The following CCDC6 variants were observed in gnomAD, a reference collection of about 807,000 sequenced individuals.
The protein encoded by CCDC6 is coiled-coil domain containing 6, also known as coiled-coil domain-containing protein 6.
CCDC6 carries 20 observed loss-of-function variants against 56.6 expected under a neutral mutation model. The ratio of observed to expected loss-of-function variants is 0.35; its 90% CI spans 0.25 to 0.51. The LOEUF (loss-of-function observed/expected upper bound fraction) is 0.51. CCDC6 is among the 20% of genes least tolerant of loss of function. CCDC6 has a pLI of 0.95. For missense variants in CCDC6, 367 were observed against 601.1 expected (o/e 0.61, Z 4.07); for synonymous variants, 241 against 234.4 (o/e 1.03, Z -0.26).
chr10:59,789,377 AT>A lies in CCDC6; in HGVS notation c.*3539del, dbSNP rs1333783000. 1 of 230,264 alleles carries A rather than the reference AT, an allele frequency of 4.3e-6. No individual in the cohort carries two copies. Among genetic ancestry groups the A allele is most frequent in the Non-Finnish European group, 8.6e-6 (1 of 116,312 alleles). 14.3% of individuals were successfully genotyped at this position (230,264 alleles called of 1,614,324 possible). A position where few individuals can be genotyped will look rare whatever the true frequency, so the allele number is the denominator to read the frequency against. On this transcript the variant is annotated 3_prime_UTR_variant, in exon 9 of 9. Coordinates refer to ENST00000263102, the MANE Select transcript of CCDC6 (RefSeq NM_005436.5). ...TGGCAGTTAATCAGAACTGCTGAGC[AT>A]TCCAGAAAATGCCCCCCACGACTTT...
chr10:59,814,864 T>C, intron 3 of CCDC6, 109 bp from the exon 4 acceptor site: 4 of 686,996 alleles, frequency 5.8e-6, no homozygotes. Context: ...ACTGCAAACA[T>C]GTGGCCAATT....
chr10:59,842,750 ATTTTTTTTT>A (rs3043541), intron 2 of CCDC6, among the ~76,000 whole-genome samples: 1 of 115,536 alleles, frequency 8.7e-6, no homozygotes, highest in East Asian at 2.4e-4. Flanking sequence ...ATGGAAGACA[ATTTTTTTTT>A]TTTTTTTTTT....
Position 59,790,258 on chromosome 10 carries a change from G to A in CCDC6, c.*2659C>T, listed in dbSNP as rs1041867245. The A allele has an allele frequency of 4.6e-6, 1 of 218,358 alleles. No individual in the cohort carries two copies. The highest frequency in any genetic ancestry group is 2.2e-5 in the African/African-American group (1 of 44,464). The allele number at this position is 218,358 out of a possible 1,614,324, so 13.5% of individuals were successfully genotyped here. On this transcript the variant is annotated 3_prime_UTR_variant, in exon 9 of 9. Transcript: ENST00000263102. ...GTCTCTGTCTGCAAGACAGGAAAAT[G>A]AAGCTACTGAAGCCCCTGTTGCTCC...
chr10:59,857,592 T>C (rs559167942), intron 1 of CCDC6, among the ~76,000 whole-genome samples: 2 of 151,892 alleles, frequency 1.3e-5, no homozygotes, highest in South Asian at 4.2e-4. Flanking sequence ...AAGCAAGAAA[T>C]TACAAACATC....
At chr10:59,895,535 T>C (rs1477919236) in intron 1 of CCDC6, among the ~76,000 whole-genome samples, 2 of 152,208 alleles carry the variant, frequency 1.3e-5, no homozygotes, top group East Asian at 3.9e-4. Context: ...AATGAGAGGA[T>C]ATACGCAAAC....
intron 2 of CCDC6, among the ~76,000 whole-genome samples, chr10:59,851,034 C>T (rs191069445): frequency 1.6e-3 from 238 of 145,278 alleles, no homozygotes; most frequent in Non-Finnish European, 3.0e-3. Flanking sequence ...ATCACTCATA[C>T]TGGAGATACA....
At chr10:59,887,935 T>G (rs1164758394) in intron 1 of CCDC6, among the ~76,000 whole-genome samples, 1 of 152,124 alleles carries the variant, frequency 6.6e-6, no homozygotes, top group Non-Finnish European at 1.5e-5. Flanking sequence ...TGGCCAATAA[T>G]TTAACAGCAT....
chr10:59,804,519 AC>A lies in CCDC6; in HGVS notation c.1005del (p.Arg335SerfsTer11). ...SESSLEMDDERYFNEMSAQGL... is the reference protein window; with the variant it reads ...SESSLEMDDEXYFNEMSAQGL... Reference sequence around the variant, plus strand: ...CCTTGTGCAGACATCTCATTAAAATACCTAAGAGGAGAGAGGAGGAAACGAT... The same window carrying A: ...CCTTGTGCAGACATCTCATTAAAATACTAAGAGGAGAGAGGAGGAAACGAT... On this transcript the variant is annotated frameshift_variant and splice_region_variant, in exon 7 of 9. Coordinates refer to ENST00000263102, the MANE Select transcript of CCDC6 (RefSeq NM_005436.5). LOFTEE classifies it high-confidence loss of function. 1 of 1,579,684 alleles carries A rather than the reference AC, an allele frequency of 6.3e-7. No homozygotes were observed. The highest frequency in any genetic ancestry group is 8.7e-7 in the Non-Finnish European group (1 of 1,148,532).
At chr10:59,845,958 G>C (rs924231905) in intron 2 of CCDC6, among the ~76,000 whole-genome samples, 2 of 152,178 alleles carry the variant, frequency 1.3e-5, no homozygotes, top group African/African-American at 4.8e-5. Context: ...CTTGACATGT[G>C]ATTTTGCTCC....
In CCDC6 at chr10:59,789,834, C is replaced by T. The variant is rs1481848055; in HGVS notation, c.*3083G>A. ...CATGTCTACCTAACAAAGGGTGATACATGTTCTATTTTCCTACAAGTGAAC... is the reference window on the plus strand; with the variant it reads ...CATGTCTACCTAACAAAGGGTGATATATGTTCTATTTTCCTACAAGTGAAC... On this transcript the variant is annotated 3_prime_UTR_variant, in exon 9 of 9. Transcript: ENST00000263102. 1 of 218,624 alleles carries T rather than the reference C, an allele frequency of 4.6e-6. No homozygotes were observed. Among genetic ancestry groups the T allele is most frequent in the South Asian group, 1.9e-4 (1 of 5,374 alleles). The allele number at this position is 218,624 out of a possible 1,614,324, so 13.5% of individuals were successfully genotyped here.
chr10:59,873,362 T>C (rs554855088), intron 1 of CCDC6, among the ~76,000 whole-genome samples: 128 of 152,168 alleles, frequency 8.4e-4, no homozygotes, highest in Admixed American at 1.8e-3. Flanking sequence ...AAGGAGAAGA[T>C]GACCACATGA....
rs1373367246 is a variant in CCDC6 at position 59,878,704 on chromosome 10, T to C, written c.304-26002A>G. Among the ~76,000 whole-genome samples, 9 of 152,084 alleles carry C rather than the reference T, an allele frequency of 5.9e-5. No individual in the cohort carries two copies. The East Asian group carries it at 1.7e-3, about 29-fold the overall frequency. ...CAAACCCCTACCCCTTCACAACCAA[T>C]CATAACATTCAGCTTGCCAAAGTAT... is the stretch of plus-strand genomic sequence containing the variant. On this transcript the variant is annotated intron_variant, in intron 1 of 8. Coordinates refer to ENST00000263102, the MANE Select transcript of CCDC6 (RefSeq NM_005436.5).
chr10:59,849,729 C>T (rs895466523), intron 2 of CCDC6, among the ~76,000 whole-genome samples: 3 of 152,314 alleles, frequency 2.0e-5, no homozygotes, highest in Middle Eastern at 3.4e-3. Context: ...ACACTTGTAG[C>T]ATGATTTCTC....
chr10:59,797,810 G>GTT (rs1274970072), intron 7 of CCDC6, among the ~76,000 whole-genome samples: 1 of 151,938 alleles, frequency 6.6e-6, no homozygotes, highest in Non-Finnish European at 1.5e-5. Flanking sequence ...AAAGAACCTG[G>GTT]TATTTAAGGA....
chr10:59,812,774 G>A lies in CCDC6; in HGVS notation c.708C>T (p.Asp236=). The A allele has an allele frequency of 6.2e-7, 1 of 1,605,890 alleles. No homozygotes were observed. ...GCGATGGTGGAGCAGAGACGGGCTG[G>A]TCTAATTTTTCCTGCAGGATTCTTC... ...AEKRILQEKL[D]QPVSAPPSPR... Residue 236 remains aspartate (D), a synonymous_variant, in exon 5 of 9, where the codon GAC becomes GAT. Transcript: ENST00000263102.
intron 8 of CCDC6, among the ~76,000 whole-genome samples, chr10:59,793,368 C>T (rs1225647372): frequency 4.6e-5 from 7 of 152,218 alleles, no homozygotes; most frequent in Non-Finnish European, 2.9e-5. Flanking sequence ...GACTTGGGTC[C>T]TTCAACGAGA....
At chr10:59,836,052 TAAAAAAA>T (rs59353306) in intron 2 of CCDC6, among the ~76,000 whole-genome samples, 1 of 57,596 alleles carries the variant, frequency 1.7e-5, no homozygotes, top group Admixed American at 2.2e-4. Context: ...CGACCCTGTC[TAAAAAAA>T]AAAAAAAAAA....
intron 7 of CCDC6, among the ~76,000 whole-genome samples, chr10:59,797,777 G>GA (rs2070536537): frequency 6.6e-6 from 1 of 151,686 alleles, no homozygotes; most frequent in Non-Finnish European, 1.5e-5. Flanking sequence ...TACAAGGAAT[G>GA]AAAGCCCTGC....
intron 3 of CCDC6, among the ~76,000 whole-genome samples, chr10:59,826,722 T>C (rs574733914): frequency 4.6e-5 from 7 of 152,318 alleles, no homozygotes; most frequent in African/African-American, 1.7e-4. Context: ...ACAAATGACA[T>C]ATGAGCATAA....
Sources: allele counts gnomAD v4.1 joint callset (sites outside exome capture counted in the v4.1 genomes callset), GRCh38; gene constraint gnomAD v4.1.1; transcripts MANE v1.5; gene names NCBI Gene and HGNC (gene_info 2026-07-23, HGNC 2026-07-21).